The following ZNF610 variants were observed in gnomAD, a reference collection of about 807,000 sequenced individuals.
ZNF610 encodes the protein zink finger protein.
In ZNF610, 14 loss-of-function variants were observed where a neutral mutation model predicts 14.1. The observed-to-expected ratio is 0.99, with a 90% confidence interval of 0.65 to 1.55. The LOEUF is 1.55. ZNF610 is among the 40% of genes most tolerant of loss of function. ZNF610 has a pLI of 0.00. For synonymous variants in ZNF610, 185 were observed against 187.6 expected, an observed-to-expected ratio of 0.99 and a Z score of 0.11; for missense variants, 530 against 558.0, an observed-to-expected ratio of 0.95 and a Z score of 0.51.
chr19:52,362,913 T>TA (rs1985850323), intron 5 of ZNF610, among the ~76,000 whole-genome samples: 1 of 152,186 alleles, frequency 6.6e-6, no homozygotes, highest in Non-Finnish European at 1.5e-5. Flanking sequence ...GTCTGTCATA[T>TA]CTAATGAGGC....
intron 1 of ZNF610, among the ~76,000 whole-genome samples, chr19:52,344,557 C>G (rs1984846232): frequency 6.6e-6 from 1 of 152,184 alleles, no homozygotes; most frequent in Non-Finnish European, 1.5e-5. Context: ...AGAAACATCT[C>G]TTGTGCCTCC....
intron 5 of ZNF610, among the ~76,000 whole-genome samples, chr19:52,356,971 C>G (rs1183453371): frequency 6.6e-6 from 1 of 152,100 alleles, no homozygotes; most frequent in Non-Finnish European, 1.5e-5. Flanking sequence ...TTGCTGGGGG[C>G]CCTTGAATTC....
intron 5 of ZNF610, among the ~76,000 whole-genome samples, chr19:52,365,270 G>T (rs1160373376): frequency 1.3e-5 from 2 of 151,786 alleles, no homozygotes; most frequent in East Asian, 3.9e-4. Flanking sequence ...TGACAGGTGT[G>T]ACAGGGAGAC....
chr19:52,354,858 CGTGAGCCA>C (rs910569078), intron 5 of ZNF610, among the ~76,000 whole-genome samples: 39 of 152,166 alleles, frequency 2.6e-4, no homozygotes, highest in African/African-American at 8.4e-4. Context: ...GGATTACAGA[CGTGAGCCA>C]CCACACCCAG....
rs1401275429 is a variant in ZNF610 at position 52,336,321 on chromosome 19, G to T, written c.-443G>T. ...TTCCCTTTGTTTAGATTCAATCTGG[G>T]CTTCCCAGCTCCCCCGCGCTTCTGT... is the stretch of plus-strand genomic sequence containing the variant. On this transcript the variant is annotated 5_prime_UTR_variant, in exon 1 of 6. Coordinates refer to ENST00000403906, the MANE Select transcript of ZNF610 (RefSeq NM_001161425.2). 1.0e-5 allele frequency: 3 copies of T among 289,036 alleles called. No homozygotes were observed. 17.9% of individuals were successfully genotyped at this position (289,036 alleles called of 1,614,324 possible).
chr19:52,354,617 T>C (rs1985441720), intron 5 of ZNF610, among the ~76,000 whole-genome samples: 1 of 148,244 alleles, frequency 6.7e-6, no homozygotes, highest in Admixed American at 6.7e-5. Context: ...CTCACTCCGT[T>C]GCCCAGGCTG....
rs75983926 is a variant in ZNF610 at position 52,360,689 on chromosome 19, G to GTT, written c.320-5005_320-5004dup. Among the ~76,000 whole-genome samples the GTT allele has an allele frequency of 4.5e-3, 680 of 152,076 alleles. 11 individuals carry two copies. The East Asian group carries it at 0.072, about 16-fold the overall frequency. ...TCAAGTGGGTTTTTGTTTTTATTCT[G>GTT]TTTTTGTGGAGTATTGCAGGGATCA... is the stretch of plus-strand genomic sequence containing the variant. On this transcript the variant is annotated intron_variant, in intron 5 of 5. Transcript: ENST00000403906.
At chr19:52,331,437 T>G (rs1273112625), upstream of ZNF610, among the ~76,000 whole-genome samples, 4 of 152,054 alleles carry the variant, frequency 2.6e-5, no homozygotes, top group Non-Finnish European at 5.9e-5. Flanking sequence ...TAAAGACACA[T>G]AATGGTTAAA....
upstream of ZNF610, among the ~76,000 whole-genome samples, chr19:52,331,615 G>A (rs1426061826): frequency 6.6e-6 from 1 of 152,124 alleles, no homozygotes; most frequent in Non-Finnish European, 1.5e-5. Context: ...GCCACCAAAA[G>A]GTTTGCTGAG....
upstream of ZNF610, among the ~76,000 whole-genome samples, chr19:52,331,681 C>T (rs321931): frequency 9.4e-3 from 1,425 of 152,300 alleles, 22 homozygotes; most frequent in African/African-American, 0.03. Context: ...AAATCTAGCA[C>T]CTATTATTCA....
intron 3 of ZNF610, among the ~76,000 whole-genome samples, chr19:52,349,986 T>C (rs1985173463): frequency 6.6e-6 from 1 of 152,190 alleles, no homozygotes; most frequent in Non-Finnish European, 1.5e-5. Context: ...TTTCCTACTT[T>C]CTAATGTCTG....
chr19:52,345,850 G>A (rs1011210315), intron 1 of ZNF610, among the ~76,000 whole-genome samples: 5 of 151,454 alleles, frequency 3.3e-5, no homozygotes, highest in Admixed American at 6.6e-5. Flanking sequence ...GACTACAGGC[G>A]CTCACCACCA....
chr19:52,349,038 G>C lies in ZNF610; in HGVS notation c.-19-116G>C, dbSNP rs1352916381. On this transcript the variant is annotated intron_variant, in intron 2 of 5. Coordinates refer to ENST00000403906, the MANE Select transcript of ZNF610 (RefSeq NM_001161425.2). ...TTGTCCCTGCATCAACTCTGGTGCA[G>C]TGGGCAACAGAGGACATCTTTCCGC... 3 of 681,834 alleles carry C rather than the reference G, an allele frequency of 4.4e-6. No homozygotes were observed. The East Asian group carries it at 8.1e-5, about 18-fold the overall frequency. 42.2% of individuals were successfully genotyped at this position (681,834 alleles called of 1,614,324 possible). A position where few individuals can be genotyped will look rare whatever the true frequency, so the allele number is the denominator to read the frequency against.
At chr19:52,362,784 C>T (rs1985843531) in intron 5 of ZNF610, among the ~76,000 whole-genome samples, 1 of 152,074 alleles carries the variant, frequency 6.6e-6, no homozygotes, top group African/African-American at 2.4e-5. Flanking sequence ...ACTTTGTAGA[C>T]TTCTAAATGT....
intron 5 of ZNF610, among the ~76,000 whole-genome samples, chr19:52,363,896 G>GT (rs1985903292): frequency 1.3e-5 from 2 of 152,136 alleles, no homozygotes; most frequent in Non-Finnish European, 2.9e-5. Context: ...TGTAGATTTT[G>GT]TAACATCTTG....
rs374646423 is a variant in ZNF610 at position 52,337,164 on chromosome 19, G to A, written c.-258+658G>A. Among the ~76,000 whole-genome samples, 11 of 151,232 alleles carry A rather than the reference G, an allele frequency of 7.3e-5. No individual in the cohort carries two copies. The East Asian group carries it at 2.0e-3, about 27-fold the overall frequency. Reference sequence around the variant, plus strand: ...AAGATTGGGAGAGGGGCAGAAAGGGGGAGGCTCCTCAGACAGAGTAGGGGA... The same window carrying A: ...AAGATTGGGAGAGGGGCAGAAAGGGAGAGGCTCCTCAGACAGAGTAGGGGA... On this transcript the variant is annotated intron_variant, in intron 1 of 5. Coordinates refer to ENST00000403906, the MANE Select transcript of ZNF610 (RefSeq NM_001161425.2).
intron 2 of ZNF610, 58 bp from the exon 3 acceptor site, chr19:52,349,096 G>A: frequency 2.4e-6 from 3 of 1,266,262 alleles, no homozygotes; most frequent in Non-Finnish European, 3.4e-6. Context: ...TGTGGTTGTG[G>A]CATAGGGAGG....
chr19:52,356,526 C>G (rs1985529642), intron 5 of ZNF610, among the ~76,000 whole-genome samples: 1 of 152,096 alleles, frequency 6.6e-6, no homozygotes, highest in African/African-American at 2.4e-5. Flanking sequence ...GCTGTAGTAT[C>G]AGGGAATGGC....
intron 3 of ZNF610, among the ~76,000 whole-genome samples, chr19:52,350,541 G>C (rs1344704538): frequency 6.6e-6 from 1 of 152,170 alleles, no homozygotes; most frequent in Non-Finnish European, 1.5e-5. Context: ...AGCAAGGCTT[G>C]GTGGTGGGCA....
Sources: allele counts gnomAD v4.1 joint callset (sites outside exome capture counted in the v4.1 genomes callset), GRCh38; gene constraint gnomAD v4.1.1; transcripts MANE v1.5; gene names NCBI Gene and HGNC (gene_info 2026-07-23, HGNC 2026-07-21).